Variants in CORIN observed in about 807,000 individuals in gnomAD.
The protein encoded by CORIN is atrial natriuretic peptide-converting enzyme.
A neutral mutation model predicts 125.3 loss-of-function variants in CORIN; 117 were observed. That is an observed-to-expected ratio of 0.93 (90% CI 0.80 to 1.09). CORIN has a LOEUF of 1.09. Among genes scored for constraint, CORIN ranks in the 50% least tolerant of loss-of-function variants. The pLI is 0.00. For missense variants in CORIN, 1,253 were observed against 1,306.7 expected, an observed-to-expected ratio of 0.96 and a Z score of 0.63; for synonymous variants, 450 against 466.4, an observed-to-expected ratio of 0.96 and a Z score of 0.45.
At chr4:47,661,072 A>G (rs1724228581) in intron 12 of CORIN, among the ~76,000 whole-genome samples, 1 of 152,246 alleles carries the variant, frequency 6.6e-6, no homozygotes, top group South Asian at 2.1e-4. Flanking sequence ...GAAATAAGCC[A>G]GGCACAGAAA....
At chr4:47,820,869 T>C (rs113188277) in intron 1 of CORIN, among the ~76,000 whole-genome samples, 71 of 152,340 alleles carry the variant, frequency 4.7e-4, no homozygotes, top group African/African-American at 1.4e-3. Flanking sequence ...ATTAATGCTA[T>C]AGATTGAGTC....
chr4:47,821,037 C>G (rs1181757859), intron 1 of CORIN, among the ~76,000 whole-genome samples: 1 of 151,976 alleles, frequency 6.6e-6, no homozygotes, highest in Non-Finnish European at 1.5e-5. Context: ...GAGTTCAAGC[C>G]CAGCCTGGCC....
chr4:47,743,778 G>A (rs1029331908), intron 5 of CORIN, among the ~76,000 whole-genome samples: 89 of 152,148 alleles, frequency 5.8e-4, no homozygotes, highest in African/African-American at 1.8e-3. Flanking sequence ...CCAGCTACTC[G>A]GGAGGCTGAG....
At chr4:47,754,064 G>A (rs1729027568) in intron 4 of CORIN, among the ~76,000 whole-genome samples, 1 of 152,152 alleles carries the variant, frequency 6.6e-6, no homozygotes, top group Non-Finnish European at 1.5e-5. Flanking sequence ...GATGAAATGT[G>A]TGTGCTTGTG....
At chr4:47,706,392 C>T (rs1240428353) in intron 5 of CORIN, 9 of 1,607,986 alleles carry the variant, frequency 5.6e-6, no homozygotes, top group Non-Finnish European at 7.7e-6. Context: ...ACAAGTATAT[C>T]CAGGAGCTAT....
chr4:47,712,782 T>C (rs1195364766), intron 5 of CORIN, among the ~76,000 whole-genome samples: 1 of 152,182 alleles, frequency 6.6e-6, no homozygotes, highest in Non-Finnish European at 1.5e-5. Context: ...GGTGTTAAAA[T>C]ATTACTCAAA....
At chr4:47,737,981 T>C (rs1315474815) in intron 5 of CORIN, among the ~76,000 whole-genome samples, 1 of 148,982 alleles carries the variant, frequency 6.7e-6, no homozygotes, top group East Asian at 2.0e-4. Flanking sequence ...AAAAGCCTTT[T>C]CCCCGGGGTG....
chr4:47,684,359 G>A (rs1408299775), intron 6 of CORIN, among the ~76,000 whole-genome samples: 2 of 152,170 alleles, frequency 1.3e-5, no homozygotes, highest in Middle Eastern at 3.2e-3. Flanking sequence ...ACTGTCCAAA[G>A]ACTATGGTGG....
intron 1 of CORIN, among the ~76,000 whole-genome samples, chr4:47,824,993 C>A (rs530951911): frequency 5.9e-5 from 9 of 152,328 alleles, no homozygotes; most frequent in African/African-American, 1.9e-4. Flanking sequence ...GACTTTCCAC[C>A]AGGGCAGCCG....
chr4:47,731,967 A>G (rs1433679871), intron 5 of CORIN, among the ~76,000 whole-genome samples: 1 of 152,104 alleles, frequency 6.6e-6, no homozygotes, highest in Non-Finnish European at 1.5e-5. Flanking sequence ...ACCCTTGGAG[A>G]TGTGGGGACA....
chr4:47,704,411 C>T (rs1254622097), intron 5 of CORIN, among the ~76,000 whole-genome samples: 1 of 152,040 alleles, frequency 6.6e-6, no homozygotes, highest in Non-Finnish European at 1.5e-5. Context: ...TTCTTTTATA[C>T]TGGTAAACAG....
chr4:47,634,552 T>G (rs1371730099), intron 16 of CORIN, among the ~76,000 whole-genome samples: 1 of 152,170 alleles, frequency 6.6e-6, no homozygotes, highest in African/African-American at 2.4e-5. Flanking sequence ...GAGAATCACT[T>G]AAACCTGGGA....
chr4:47,648,930 T>C (rs1723612482), intron 13 of CORIN, among the ~76,000 whole-genome samples: 1 of 152,138 alleles, frequency 6.6e-6, no homozygotes, highest in Non-Finnish European at 1.5e-5. Flanking sequence ...TTCTACAGCA[T>C]GCAGGATCCT....
chr4:47,658,526 G>A (rs760965472), intron 12 of CORIN, among the ~76,000 whole-genome samples: 36 of 152,370 alleles, frequency 2.4e-4, no homozygotes, highest in Non-Finnish European at 4.1e-4. Flanking sequence ...CCAGCCCCAC[G>A]TTTCCCCTCT....
intron 5 of CORIN, among the ~76,000 whole-genome samples, chr4:47,737,840 G>A (rs1293589978): frequency 6.6e-6 from 1 of 152,032 alleles, no homozygotes; most frequent in Non-Finnish European, 1.5e-5. Context: ...CACTAGAAGG[G>A]GCAAAACATG....
chr4:47,704,575 C>G (rs1726461360), intron 5 of CORIN, among the ~76,000 whole-genome samples: 1 of 151,952 alleles, frequency 6.6e-6, no homozygotes, highest in African/African-American at 2.4e-5. Flanking sequence ...AAGATTAGCC[C>G]TGAGTCAAGC....
chr4:47,751,616 C>G (rs1014697521), intron 4 of CORIN, among the ~76,000 whole-genome samples: 1 of 152,150 alleles, frequency 6.6e-6, no homozygotes, highest in Non-Finnish European at 1.5e-5. Context: ...CAGTTACCTC[C>G]TCCCTGCTAG....
intron 5 of CORIN, 48 bp downstream of exon 5, chr4:47,744,354 A>T (rs1728559390): frequency 4.6e-6 from 7 of 1,514,300 alleles, no homozygotes; most frequent in Non-Finnish European, 6.4e-6. Flanking sequence ...TATAAATGGC[A>T]TACTCAAATA....
intron 2 of CORIN, among the ~76,000 whole-genome samples, chr4:47,790,612 T>C (rs1731035368): frequency 1.3e-5 from 2 of 152,210 alleles, no homozygotes; most frequent in Admixed American, 1.3e-4. Context: ...TCAATACCTA[T>C]ATAAACACTT....
Sources: gnomAD v4.1 joint callset for allele counts (sites outside exome capture counted in the v4.1 genomes callset) on GRCh38, gnomAD v4.1.1 for gene constraint, MANE v1.5 for transcripts, NCBI Gene and HGNC (gene_info 2026-07-23, HGNC 2026-07-21) for gene names.